The following TRPM3 variants were observed in gnomAD, a reference collection of about 807,000 sequenced individuals.
TRPM3 encodes the protein long transient receptor potential channel 3.
TRPM3 carries 77 observed loss-of-function variants against 181.2 expected under a neutral mutation model. The observed-to-expected ratio is 0.42, with a 90% CI of 0.35 to 0.51. The LOEUF is 0.51. TRPM3 is among the 20% of genes least tolerant of loss of function. The pLI is 0.01. For missense variants in TRPM3, 1,759 were observed against 2,196.7 expected, an observed-to-expected ratio of 0.80 and a Z score of 3.98; for synonymous variants, 745 against 796.4, an observed-to-expected ratio of 0.94 and a Z score of 1.09.
At chr9:71,022,070 G>A (rs886961401) in intron 1 of TRPM3, among the ~76,000 whole-genome samples, 2 of 152,170 alleles carry the variant, frequency 1.3e-5, no homozygotes, top group African/African-American at 4.8e-5. Context: ...GAAAGGCACA[G>A]GTTTCAAAGC....
chr9:70,776,865 G>A lies in TRPM3; in HGVS notation c.1148+7240C>T, dbSNP rs531796427. 3.3e-5 allele frequency among the ~76,000 whole-genome samples: 5 copies of A among 152,296 alleles called. No individual in the cohort carries two copies. The South Asian group carries it at 1.0e-3, about 32-fold the overall frequency. Reference sequence around the variant, plus strand: ...AAACATCAGAGAAGTGTGGACCATAGGCCACTCTCAATGGAATCACCTGGG... The same window carrying A: ...AAACATCAGAGAAGTGTGGACCATAAGCCACTCTCAATGGAATCACCTGGG... On this transcript the variant is annotated intron_variant, in intron 7 of 25. Coordinates refer to ENST00000677713, the MANE Select transcript of TRPM3 (RefSeq NM_001366145.2).
rs555419341 is a variant in TRPM3 at position 70,652,167 on chromosome 9, T to C, written c.1346-11507A>G. Among the ~76,000 whole-genome samples, 352 of 152,250 alleles carry C rather than the reference T, an allele frequency of 2.3e-3. 1 individual carries two copies. Among genetic ancestry groups the C allele is most frequent in the African/African-American group, 8.2e-3 (341 of 41,548 alleles). On this transcript the variant is annotated intron_variant, in intron 9 of 25. Coordinates refer to ENST00000677713, the MANE Select transcript of TRPM3 (RefSeq NM_001366145.2). ...CTTCGAACCTAGATAATTGAAAAGA[T>C]GGTGGCTATATGAACAGAAATAGGA...
At chr9:70,954,922 C>T (rs1232621346) in intron 1 of TRPM3, among the ~76,000 whole-genome samples, 2 of 152,150 alleles carry the variant, frequency 1.3e-5, no homozygotes, top group Non-Finnish European at 2.9e-5. Context: ...TCTCCAGCAG[C>T]AGCCAGGTGA....
At chr9:70,631,741 A>G (rs1361340506) in intron 12 of TRPM3, among the ~76,000 whole-genome samples, 4 of 152,080 alleles carry the variant, frequency 2.6e-5, no homozygotes, top group African/African-American at 9.7e-5. Flanking sequence ...CTGAAGTGCC[A>G]CTCTTTTTAC....
chr9:71,394,530 G>T (rs1399981569), intron 1 of TRPM3, among the ~76,000 whole-genome samples: 1 of 152,176 alleles, frequency 6.6e-6, no homozygotes, highest in Non-Finnish European at 1.5e-5. Flanking sequence ...AAATATGAAG[G>T]TCTTTTCCCT....
intron 1 of TRPM3, among the ~76,000 whole-genome samples, chr9:71,371,443 G>A (rs2092509936): frequency 6.6e-6 from 1 of 152,202 alleles, no homozygotes; most frequent in South Asian, 2.1e-4. Context: ...ATGACTTTGA[G>A]AGGTTTAAAG....
chr9:70,954,698 T>G (rs2097046827), intron 1 of TRPM3, among the ~76,000 whole-genome samples: 1 of 152,184 alleles, frequency 6.6e-6, no homozygotes, highest in African/African-American at 2.4e-5. Flanking sequence ...CTTATAACTT[T>G]AGTCTTTTCA....
chr9:70,933,291 C>G (rs1318956362), intron 1 of TRPM3, among the ~76,000 whole-genome samples: 1 of 151,950 alleles, frequency 6.6e-6, no homozygotes, highest in Non-Finnish European at 1.5e-5. Context: ...TAGATAGGAA[C>G]TAAATTGGTG....
intron 1 of TRPM3, among the ~76,000 whole-genome samples, chr9:71,192,888 T>C (rs1414337815): frequency 6.6e-6 from 1 of 151,882 alleles, no homozygotes; most frequent in African/African-American, 2.4e-5. Context: ...TAGATGGATA[T>C]ATTAACCAGC....
At chr9:71,361,217 C>G (rs898958038) in intron 1 of TRPM3, among the ~76,000 whole-genome samples, 2 of 152,126 alleles carry the variant, frequency 1.3e-5, no homozygotes, top group Non-Finnish European at 2.9e-5. Flanking sequence ...GAACTCCTGA[C>G]CTCAGGTGAT....
intron 22 of TRPM3, among the ~76,000 whole-genome samples, chr9:70,569,854 T>C (rs1479322290): frequency 1.3e-5 from 2 of 152,172 alleles, no homozygotes; most frequent in Admixed American, 6.5e-5. Context: ...TGTATATTTA[T>C]ATAAATACAA....
chr9:71,256,499 G>A (rs746548906), intron 1 of TRPM3, among the ~76,000 whole-genome samples: 31 of 152,098 alleles, frequency 2.0e-4, no homozygotes, highest in Non-Finnish European at 4.3e-4. Flanking sequence ...CTCCAAGAGA[G>A]AGTGCCATAC....
intron 1 of TRPM3, among the ~76,000 whole-genome samples, chr9:71,263,619 A>G (rs1032686262): frequency 2.0e-5 from 3 of 152,204 alleles, no homozygotes; most frequent in Admixed American, 2.0e-4. Context: ...CAGCACTTAC[A>G]TGGTTCTGCA....
chr9:71,368,506 C>T (rs959068155), intron 1 of TRPM3, among the ~76,000 whole-genome samples: 28 of 152,060 alleles, frequency 1.8e-4, no homozygotes, highest in Admixed American at 1.1e-3. Context: ...GGAAAGGCCC[C>T]TAAGTCTATC....
intron 8 of TRPM3, among the ~76,000 whole-genome samples, chr9:70,753,568 G>A (rs547054874): frequency 6.6e-6 from 1 of 152,234 alleles, no homozygotes; most frequent in Admixed American, 6.5e-5. Context: ...GGAGCAGGGA[G>A]GGTGGAAAGA....
chr9:70,593,812 T>G (rs1233926864), intron 21 of TRPM3, among the ~76,000 whole-genome samples: 1 of 149,558 alleles, frequency 6.7e-6, no homozygotes, highest in Non-Finnish European at 1.5e-5. Flanking sequence ...TAAATATCTT[T>G]CTGTTGTGTT....
intron 18 of TRPM3, 127 bp from the exon 19 acceptor site, chr9:70,610,876 A>C (rs911292811): frequency 8.8e-6 from 10 of 1,139,050 alleles, no homozygotes; most frequent in Admixed American, 2.4e-5. Context: ...AGAGATTTAG[A>C]GGTTGTACCT....
intron 1 of TRPM3, among the ~76,000 whole-genome samples, chr9:70,949,647 T>C (rs1183934434): frequency 6.6e-6 from 1 of 152,096 alleles, no homozygotes; most frequent in East Asian, 1.9e-4. Context: ...CAAGTGATCC[T>C]TCCTCCTTAG....
intron 8 of TRPM3, among the ~76,000 whole-genome samples, chr9:70,685,270 A>G (rs2066459830): frequency 6.6e-6 from 1 of 152,212 alleles, no homozygotes; most frequent in African/African-American, 2.4e-5. Context: ...AGTTGTACAT[A>G]GAATTCTCTT....
Sources: gnomAD v4.1 joint callset for allele counts (sites outside exome capture counted in the v4.1 genomes callset) on GRCh38, gnomAD v4.1.1 for gene constraint, MANE v1.5 for transcripts, NCBI Gene and HGNC (gene_info 2026-07-23, HGNC 2026-07-21) for gene names.